Variants in TCF7L1 observed in about 807,000 individuals in gnomAD.
TCF7L1 encodes the protein transcription factor 7-like 1.
A neutral mutation model predicts 63.7 loss-of-function variants in TCF7L1; 18 were observed. That is an observed-to-expected ratio of 0.28 (90% CI 0.20 to 0.42). TCF7L1 has a LOEUF of 0.42. Among genes scored for constraint, TCF7L1 ranks in the 10% least tolerant of loss-of-function variants. The pLI, the probability that TCF7L1 is intolerant of heterozygous loss-of-function variation, is 1.00. For synonymous variants in TCF7L1, 355 were observed against 340.9 expected (o/e 1.04, Z -0.46); for missense variants, 654 against 779.3 (o/e 0.84, Z 1.91).
At chr2:85,153,819 C>A (rs1678078401) in intron 3 of TCF7L1, among the ~76,000 whole-genome samples, 1 of 152,198 alleles carries the variant, frequency 6.6e-6, no homozygotes, top group African/African-American at 2.4e-5. Flanking sequence ...CTTCTTTCTG[C>A]ATATGTGTGA....
At chr2:85,150,416 T>G (rs887668784) in intron 3 of TCF7L1, among the ~76,000 whole-genome samples, 11 of 152,164 alleles carry the variant, frequency 7.2e-5, no homozygotes. Context: ...TGTATTTTAG[T>G]AGAGACGGGA....
Position 85,303,946 on chromosome 2 carries a change from C to G in TCF7L1, c.710C>G (p.Ser237Cys), listed in dbSNP as rs148978980. 11 of 1,613,974 alleles carry G rather than the reference C, an allele frequency of 6.8e-6. No individual in the cohort carries two copies. The African/African-American group carries it at 1.5e-4, about 22-fold the overall frequency. ...PSELSPYYPL[S>C]PGAVGQIPHP... ...GAGCTGTCACCGTATTACCCACTCT[C>G]TCCCGGAGCTGTCGGACAAATCCCC... Residue 237 changes from serine (S) to cysteine (C), a missense_variant, in exon 6 of 12, where the codon TCT becomes TGT. Physicochemically the swap from Ser to Cys is moderately radical, Grantham distance 112 (BLOSUM62 -1). Coordinates refer to ENST00000282111, the MANE Select transcript of TCF7L1 (RefSeq NM_031283.3).
chr2:85,160,874 G>A (rs904003433), intron 3 of TCF7L1, among the ~76,000 whole-genome samples: 4 of 152,076 alleles, frequency 2.6e-5, no homozygotes, highest in African/African-American at 7.2e-5. Flanking sequence ...AAAAGAAGCC[G>A]CTTAGTTTTG....
intron 3 of TCF7L1, among the ~76,000 whole-genome samples, chr2:85,234,931 G>A (rs1444776042): frequency 6.6e-6 from 1 of 152,168 alleles, no homozygotes; most frequent in African/African-American, 2.4e-5. Context: ...TGTTTCTGAA[G>A]GGTGTTCTCA....
intron 3 of TCF7L1, among the ~76,000 whole-genome samples, chr2:85,270,563 G>A (rs1681126552): frequency 6.6e-6 from 1 of 152,162 alleles, no homozygotes; most frequent in African/African-American, 2.4e-5. Context: ...GGATTCTGAG[G>A]TCTTACCCAC....
At chr2:85,200,260 A>G (rs1174310416) in intron 3 of TCF7L1, among the ~76,000 whole-genome samples, 1 of 152,182 alleles carries the variant, frequency 6.6e-6, no homozygotes, top group Non-Finnish European at 1.5e-5. Flanking sequence ...TATATTGGGT[A>G]TACAGTTGAC....
Position 85,304,277 on chromosome 2 carries a change from C to A in TCF7L1, c.784C>A (p.Leu262Ile). The change falls in exon 7 of 12, where the codon CTT becomes ATT. Residue 262 changes from leucine to isoleucine, a missense_variant. Transcript: ENST00000282111. ...CAGGCAAGGCCAGCCCATGTACTCC[C>A]TTCCTCCCGGTGGCTTCCGGCACCC... ...VPQQGQPMYS[L>I]PPGGFRHPYP... is the part of the protein sequence containing the mutation. 1 of 1,614,038 alleles carries A rather than the reference C, an allele frequency of 6.2e-7. No individual in the cohort carries two copies. Among genetic ancestry groups the A allele is most frequent in the Admixed American group, 1.7e-5 (1 of 60,006 alleles).
At chr2:85,245,423 G>T (rs1285359954) in intron 3 of TCF7L1, among the ~76,000 whole-genome samples, 1 of 152,136 alleles carries the variant, frequency 6.6e-6, no homozygotes, top group Non-Finnish European at 1.5e-5. Context: ...GGCTGACAAG[G>T]CTTCCCACTG....
intron 3 of TCF7L1, among the ~76,000 whole-genome samples, chr2:85,208,949 C>T (rs1365907103): frequency 6.6e-6 from 1 of 152,152 alleles, no homozygotes; most frequent in African/African-American, 2.4e-5. Context: ...GATTTCTTTA[C>T]ATTTTTCTCT....
intron 3 of TCF7L1, among the ~76,000 whole-genome samples, chr2:85,230,426 TG>T (rs1680051252): frequency 6.6e-6 from 1 of 150,776 alleles, no homozygotes; most frequent in African/African-American, 2.4e-5. Flanking sequence ...CTCCACCTCC[TG>T]GGTTCAAGTG....
chr2:85,204,644 T>A (rs1679358868), intron 3 of TCF7L1, among the ~76,000 whole-genome samples: 1 of 152,136 alleles, frequency 6.6e-6, no homozygotes, highest in African/African-American at 2.4e-5. Flanking sequence ...GCCTACCAAG[T>A]AGTTGGAACT....
Position 85,134,170 on chromosome 2 carries a change from G to A in TCF7L1, c.313+91G>A. The A allele has an allele frequency of 6.5e-7, 1 of 1,547,764 alleles. No individual in the cohort carries two copies. Among genetic ancestry groups the A allele is most frequent in the Non-Finnish European group, 8.7e-7 (1 of 1,143,502 alleles). ...GGCCCACCGTCCCCCTTGCTTGGGTGGACGCACCCTTGCCCTCCGCCTTTA... is the reference window on the plus strand; with the variant it reads ...GGCCCACCGTCCCCCTTGCTTGGGTAGACGCACCCTTGCCCTCCGCCTTTA... On this transcript the variant is annotated intron_variant, in intron 2 of 11. Transcript: ENST00000282111. This position sits in a 1 kb window ranked among gnomAD's most constrained non-coding sequence, Gnocchi z 5.0.
At chr2:85,254,429 G>A (rs1680660050) in intron 3 of TCF7L1, among the ~76,000 whole-genome samples, 1 of 152,228 alleles carries the variant, frequency 6.6e-6, no homozygotes, top group Non-Finnish European at 1.5e-5. Context: ...GTAGGTCAGT[G>A]GTGCTTTTTC....
chr2:85,275,716 C>T (rs760417519), intron 3 of TCF7L1, among the ~76,000 whole-genome samples: 3 of 151,870 alleles, frequency 2.0e-5, no homozygotes, highest in Non-Finnish European at 2.9e-5. Context: ...CTCAGGAGTT[C>T]GAGACCAGCC....
At chr2:85,257,828 T>C (rs985169456) in intron 3 of TCF7L1, among the ~76,000 whole-genome samples, 30 of 152,266 alleles carry the variant, frequency 2.0e-4, no homozygotes, top group African/African-American at 7.2e-4. Context: ...ACCTGCCCCC[T>C]CCCGCCACGT....
At chr2:85,284,840 A>G (rs1042615073) in intron 4 of TCF7L1, among the ~76,000 whole-genome samples, 3 of 152,216 alleles carry the variant, frequency 2.0e-5, no homozygotes, top group Admixed American at 6.5e-5. Context: ...AGAGAATTAC[A>G]TAATGAATCC....
At chr2:85,247,061 G>A (rs538505139) in intron 3 of TCF7L1, among the ~76,000 whole-genome samples, 1 of 152,290 alleles carries the variant, frequency 6.6e-6, no homozygotes, top group Non-Finnish European at 1.5e-5. Flanking sequence ...TTGCCCCACT[G>A]GGTTTGCATC....
intron 3 of TCF7L1, among the ~76,000 whole-genome samples, chr2:85,167,990 G>C (rs1426593496): frequency 1.3e-5 from 2 of 152,168 alleles, no homozygotes; most frequent in Non-Finnish European, 2.9e-5. Context: ...CCTGTATGTG[G>C]GATCGAAAAT....
chr2:85,176,002 A>T lies in TCF7L1; in HGVS notation c.441+41552A>T, dbSNP rs578203931. The stretch of plus-strand genomic sequence containing the variant: ...GCTGGGACAATTCCTGTGAAGACAG[A>T]CTTCCTTCTGATGAAATATTTACTA... On this transcript the variant is annotated intron_variant, in intron 3 of 11. Transcript: ENST00000282111. Among the ~76,000 whole-genome samples the T allele has an allele frequency of 4.6e-5, 7 of 152,348 alleles. No homozygotes were observed. In the East Asian group the frequency reaches 1.3e-3, roughly 29 times the overall value.
Sources: allele counts gnomAD v4.1 joint callset (sites outside exome capture counted in the v4.1 genomes callset), GRCh38; gene constraint gnomAD v4.1.1; non-coding constraint Gnocchi (gnomAD v3.1); transcripts MANE v1.5; gene names NCBI Gene and HGNC (gene_info 2026-07-23, HGNC 2026-07-21).